FAM13B: variants seen among roughly 807,000 people sequenced by gnomAD.
FAM13B encodes the protein family with sequence similarity 13 member B.
FAM13B carries 60 observed loss-of-function variants against 117.3 expected under a neutral mutation model. The observed-to-expected ratio is 0.51, with a 90% CI of 0.42 to 0.63. FAM13B has a LOEUF of 0.63. Ranked by LOEUF, FAM13B falls within the 30% of genes least tolerant of loss-of-function variation. The pLI is 0.00. For synonymous variants in FAM13B, 332 were observed against 356.1 expected (o/e 0.93, Z 0.76); for missense variants, 972 against 1,091.9 (o/e 0.89, Z 1.55).
chr5:137,951,741 C>G (rs1765103482), intron 17 of FAM13B, among the ~76,000 whole-genome samples: 1 of 152,098 alleles, frequency 6.6e-6, no homozygotes, highest in African/African-American at 2.4e-5. Context: ...CTTTGGGAGG[C>G]TGAGGCAGGG....
chr5:137,948,248 G>A (rs757751238), intron 18 of FAM13B, among the ~76,000 whole-genome samples: 1 of 151,752 alleles, frequency 6.6e-6, no homozygotes, highest in Non-Finnish European at 1.5e-5. Flanking sequence ...ACATAATCAC[G>A]TCAATATACA....
intron 18 of FAM13B, 72 bp downstream of exon 18, chr5:137,948,883 C>T: frequency 8.6e-7 from 1 of 1,162,672 alleles, no homozygotes; most frequent in Non-Finnish European, 1.3e-6. Flanking sequence ...ACATCTCTAC[C>T]CTGCTATAGT....
chr5:138,050,582 C>T (rs1791773734), intron 1 of FAM13B, among the ~76,000 whole-genome samples: 2 of 152,192 alleles, frequency 1.3e-5, no homozygotes, highest in Non-Finnish European at 2.9e-5. Flanking sequence ...CAGAGATTGC[C>T]TTGCCTCTTC....
At chr5:137,970,679 G>A (rs1434787764) in intron 10 of FAM13B, among the ~76,000 whole-genome samples, 2 of 152,210 alleles carry the variant, frequency 1.3e-5, no homozygotes, top group African/African-American at 4.8e-5. Flanking sequence ...TTGGACAAAG[G>A]GTCAAGACCC....
At chr5:137,993,126 C>G (rs1256060463) in intron 7 of FAM13B, among the ~76,000 whole-genome samples, 1 of 152,144 alleles carries the variant, frequency 6.6e-6, no homozygotes, top group Admixed American at 6.5e-5. Context: ...ATTTCATTTT[C>G]ATAAAGCTCT....
intron 7 of FAM13B, among the ~76,000 whole-genome samples, chr5:137,993,813 TAAA>T (rs1779226747): frequency 6.6e-6 from 1 of 151,720 alleles, no homozygotes; most frequent in African/African-American, 2.4e-5. Flanking sequence ...TAGAATAAAA[TAAA>T]ACAAGGAAAA....
At chr5:137,995,050 C>T (rs1290844417) in intron 7 of FAM13B, among the ~76,000 whole-genome samples, 1 of 152,140 alleles carries the variant, frequency 6.6e-6, no homozygotes, top group East Asian at 1.9e-4. Context: ...TTCTGAATAC[C>T]CTGGCACCTT....
At chr5:138,000,994 C>T (rs1781126227) in intron 7 of FAM13B, among the ~76,000 whole-genome samples, 1 of 150,374 alleles carries the variant, frequency 6.7e-6, no homozygotes, top group Non-Finnish European at 1.5e-5. Context: ...CAAAGAAATA[C>T]TCCCTGTAGT....
At chr5:138,021,000 G>C (rs1786589337) in intron 2 of FAM13B, 31 bp downstream of exon 2, 2 of 1,224,314 alleles carry the variant, frequency 1.6e-6, no homozygotes, top group Admixed American at 8.5e-5. Context: ...GATTTATAGA[G>C]CACGAGATAG....
intron 1 of FAM13B, among the ~76,000 whole-genome samples, chr5:138,050,531 T>C (rs1791772150): frequency 6.6e-6 from 1 of 152,226 alleles, no homozygotes; most frequent in Non-Finnish European, 1.5e-5. Context: ...TGGAAGGTTC[T>C]ATGCCAGCCC....
intron 10 of FAM13B, among the ~76,000 whole-genome samples, chr5:137,982,146 C>T (rs1363114730): frequency 6.6e-6 from 1 of 152,186 alleles, no homozygotes; most frequent in African/African-American, 2.4e-5. Flanking sequence ...GTGTTGAGAA[C>T]ATACCATCAA....
intron 10 of FAM13B, among the ~76,000 whole-genome samples, chr5:137,978,639 T>G (rs1206991644): frequency 6.6e-6 from 1 of 152,202 alleles, no homozygotes; most frequent in Admixed American, 6.5e-5. Context: ...TGACCAACTT[T>G]CAGACTCAGG....
chr5:138,033,350 GA>G (rs1310789472), upstream of FAM13B, among the ~76,000 whole-genome samples: 1 of 152,226 alleles, frequency 6.6e-6, no homozygotes, highest in Non-Finnish European at 1.5e-5. Flanking sequence ...AAGATAAAGG[GA>G]AAATCCGGAA....
chr5:138,031,686 G>GA (rs761785377), intron 1 of FAM13B, among the ~76,000 whole-genome samples: 236 of 133,580 alleles, frequency 1.8e-3, no homozygotes, highest in East Asian at 0.013. Flanking sequence ...CTGTCTCAAG[G>GA]AAAAAAAAAA....
In FAM13B at chr5:137,952,618, CATAAT is replaced by C. The variant is rs768865706; in HGVS notation, c.1930+5_1930+9del. The C allele has an allele frequency of 6.5e-7, 1 of 1,527,350 alleles. No homozygotes were observed. Among genetic ancestry groups the C allele is most frequent in the African/African-American group, 1.4e-5 (1 of 72,268 alleles). The allele number at this position is 1,527,350 out of a possible 1,614,324, so 94.6% of individuals were successfully genotyped here. A position where few individuals can be genotyped will look rare whatever the true frequency, so the allele number is the denominator to read the frequency against. On this transcript the variant is annotated splice_donor_5th_base_variant and intron_variant, in intron 17 of 23. Transcript: ENST00000689681. ...AATGCAAATATATTACAAAATGGCACATAATATACCTTTAATTTGCTTCCGCAGTT... is the reference window on the plus strand; with the variant it reads ...AATGCAAATATATTACAAAATGGCACATACCTTTAATTTGCTTCCGCAGTT...
intron 10 of FAM13B, among the ~76,000 whole-genome samples, chr5:137,966,706 A>G (rs1410973827): frequency 6.6e-6 from 1 of 152,126 alleles, no homozygotes; most frequent in East Asian, 1.9e-4. Flanking sequence ...CATCTATCAG[A>G]ATGGCCAAAA....
Position 137,994,484 on chromosome 5 carries a change from A to T in FAM13B, c.849-6169T>A, listed in dbSNP as rs187593725. ...GGGCTCACACACACCAATAGAAATA[A>T]AAAAGATATATCAATATAGTTATGC... On this transcript the variant is annotated intron_variant, in intron 7 of 23. Transcript: ENST00000689681. Among the ~76,000 whole-genome samples the T allele has an allele frequency of 1.7e-3, 264 of 152,338 alleles. 1 individual carries two copies. Among genetic ancestry groups the T allele is most frequent in the African/African-American group, 6.2e-3 (258 of 41,568 alleles).
rs1491368329 is a variant in FAM13B, at chr5:138,000,944, A to AC, written c.848+6045_848+6046insG. Among the ~76,000 whole-genome samples, 466 of 65,948 alleles carry AC rather than the reference A, an allele frequency of 7.1e-3. 14 individuals carry two copies. The highest frequency in any genetic ancestry group is 0.013 in the East Asian group (50 of 3,796). 43.3% of individuals were successfully genotyped at this position (65,948 alleles called of 152,430 possible). A position where few individuals can be genotyped will look rare whatever the true frequency, so the allele number is the denominator to read the frequency against. On this transcript the variant is annotated intron_variant, in intron 7 of 23. Coordinates refer to ENST00000689681, the MANE Select transcript of FAM13B (RefSeq NM_001385994.1). ...GACACTGTCTCAAAAAACAAAAAACAAAAAAAAAAAAAACAGCATCTTTCC... is the reference window on the plus strand; with the variant it reads ...GACACTGTCTCAAAAAACAAAAAACACAAAAAAAAAAAAACAGCATCTTTCC...
intron 10 of FAM13B, among the ~76,000 whole-genome samples, chr5:137,983,613 A>G (rs537218010): frequency 6.6e-6 from 1 of 152,328 alleles, no homozygotes; most frequent in African/African-American, 2.4e-5. Context: ...AATCCAGGAA[A>G]GGGCAAGAGG....
Sources: gnomAD v4.1 joint callset for allele counts (sites outside exome capture counted in the v4.1 genomes callset) on GRCh38, gnomAD v4.1.1 for gene constraint, MANE v1.5 for transcripts, NCBI Gene and HGNC (gene_info 2026-07-23, HGNC 2026-07-21) for gene names.